The following TAF5L variants were observed in gnomAD, a reference collection of about 807,000 sequenced individuals.
The protein encoded by TAF5L is TATA-box binding protein associated factor 5 like.
Under a neutral mutation model 51.3 loss-of-function variants are expected in TAF5L, and 7 were observed. That is an observed-to-expected ratio of 0.14 (90% confidence interval 0.08 to 0.26). TAF5L has a LOEUF of 0.26. TAF5L is among the 10% of genes least tolerant of loss of function. TAF5L has a pLI of 1.00. For synonymous variants in TAF5L, 291 were observed against 308.1 expected (o/e 0.94, Z 0.58); for missense variants, 575 against 758.9 (o/e 0.76, Z 2.85).
chr1:229,600,696 C>T lies in TAF5L; in HGVS notation c.972+1499G>A, dbSNP rs1332677354. The stretch of plus-strand genomic sequence containing the variant: ...CTTTCAGTTCCTGGAATTCCGCATG[C>T]GGTTCCTCACTTCTGAGTCTTCAGA... On this transcript the variant is annotated intron_variant, in intron 4 of 4. Coordinates refer to ENST00000258281, the Ensembl canonical transcript of TAF5L. 3.5e-5 allele frequency: 34 copies of T among 985,314 alleles called. No homozygotes were observed. The South Asian group carries it at 5.2e-4, about 15-fold the overall frequency. 61.0% of individuals were successfully genotyped at this position (985,314 alleles called of 1,614,324 possible).
At chr1:229,599,189 G>C in intron 4 of TAF5L, 1 of 846,524 alleles carries the variant, frequency 1.2e-6, no homozygotes, top group Non-Finnish European at 1.4e-6. Flanking sequence ...GAAGCTACAG[G>C]ACAGTGCTGT....
intron 2 of TAF5L, chr1:229,614,068 G>C: frequency 1.6e-6 from 1 of 620,916 alleles, no homozygotes; most frequent in Non-Finnish European, 2.9e-6. Context: ...GTACTTTCAG[G>C]TACAGATAAA....
At chr1:229,607,247 GCT>G in intron 3 of TAF5L, 2 of 985,326 alleles carry the variant, frequency 2.0e-6, no homozygotes, top group Non-Finnish European at 2.4e-6. Flanking sequence ...ATGAAATAAA[GCT>G]CCTGCCTTCC....
chr1:229,597,892 T>C (rs1664185993), intron 4 of TAF5L, among the ~76,000 whole-genome samples: 1 of 152,214 alleles, frequency 6.6e-6, no homozygotes, highest in African/African-American at 2.4e-5. Flanking sequence ...CGTCTGCTCC[T>C]GGACTCTGAG....
intron 2 of TAF5L, among the ~76,000 whole-genome samples, chr1:229,610,685 G>A (rs555949051): frequency 4.6e-5 from 7 of 152,154 alleles, no homozygotes; most frequent in Admixed American, 2.6e-4. Context: ...TTTCAAGGTC[G>A]GATATCCTGA....
At chr1:229,607,771 T>C (rs567567635) in intron 3 of TAF5L, 1 of 152,400 alleles carries the variant, frequency 6.6e-6, no homozygotes, top group East Asian at 1.9e-4. Context: ...GAGTATATCT[T>C]ACACTTTATC....
At chr1:229,599,824 C>T (rs1571831761) in intron 4 of TAF5L, 3 of 985,336 alleles carry the variant, frequency 3.0e-6, no homozygotes, top group East Asian at 1.1e-4. Context: ...GTGTGAACAC[C>T]GTTTCAAATA....
At chr1:229,617,831 C>T (rs552867743) in intron 1 of TAF5L, among the ~76,000 whole-genome samples, 32 of 152,260 alleles carry the variant, frequency 2.1e-4, no homozygotes, top group African/African-American at 7.7e-4. Flanking sequence ...CTTAAATTAG[C>T]TGCCCCAAAT....
At chr1:229,621,325 G>A (rs192120478) in intron 1 of TAF5L, among the ~76,000 whole-genome samples, 1,908 of 152,242 alleles carry the variant, frequency 0.013, 19 homozygotes, top group Non-Finnish European at 0.019. Flanking sequence ...TAATGACAAA[G>A]TCTCCAAAAG....
chr1:229,624,829 A>C (rs1172421727), intron 1 of TAF5L, among the ~76,000 whole-genome samples: 2 of 152,184 alleles, frequency 1.3e-5, no homozygotes, highest in Non-Finnish European at 2.9e-5. Context: ...TTCCAAGTAG[A>C]GCTGTGACCA....
chr1:229,595,002 T>C, exon 5 of TAF5L: 1 of 1,614,180 alleles, frequency 6.2e-7, no homozygotes, highest in Non-Finnish European at 8.5e-7. Context: ...AGAGCAACCC[T>C]GAGCTGTCCG....
chr1:229,600,505 C>T lies in TAF5L; in HGVS notation c.972+1690G>A, dbSNP rs1379827461. On this transcript the variant is annotated intron_variant, in intron 4 of 4. Coordinates refer to ENST00000258281, the Ensembl canonical transcript of TAF5L. ...ACGTCACCCTTGATGCTTGCTCTCCCTTATCCCCTACAGTAATTGAATAAC... is the reference window on the plus strand; with the variant it reads ...ACGTCACCCTTGATGCTTGCTCTCCTTTATCCCCTACAGTAATTGAATAAC... 9 of 985,320 alleles carry T rather than the reference C, an allele frequency of 9.1e-6. No homozygotes were observed. The African/African-American group carries it at 1.4e-4, about 15-fold the overall frequency. 61.0% of individuals were successfully genotyped at this position (985,320 alleles called of 1,614,324 possible).
chr1:229,603,868 C>G (rs958610993), intron 3 of TAF5L, among the ~76,000 whole-genome samples: 5 of 152,236 alleles, frequency 3.3e-5, no homozygotes, highest in Non-Finnish European at 5.9e-5. Flanking sequence ...GGGGAGACAG[C>G]AGGGCCACTG....
intron 4 of TAF5L, among the ~76,000 whole-genome samples, chr1:229,598,547 G>A (rs929060653): frequency 6.6e-5 from 10 of 152,092 alleles, no homozygotes; most frequent in Non-Finnish European, 1.5e-4. Flanking sequence ...GGCGGGTGCT[G>A]GTAGTGATAA....
intron 4 of TAF5L, chr1:229,601,854 G>C: frequency 1.9e-6 from 2 of 1,054,380 alleles, no homozygotes; most frequent in Non-Finnish European, 2.3e-6. Context: ...TTGTACCTGA[G>C]CAAATGTGCA....
At chr1:229,599,835 C>T (rs530374941) in intron 4 of TAF5L, 1 of 985,416 alleles carries the variant, frequency 1.0e-6, no homozygotes, top group African/African-American at 1.7e-5. Context: ...GTTTCAAATA[C>T]TGTAGAAATA....
At chr1:229,605,143 G>A (rs1168676006) in intron 3 of TAF5L, among the ~76,000 whole-genome samples, 1 of 149,084 alleles carries the variant, frequency 6.7e-6, no homozygotes, top group African/African-American at 2.5e-5. Flanking sequence ...TTTTTTAGTA[G>A]AGATGAGGTT....
chr1:229,600,483 T>A, intron 4 of TAF5L: 3 of 985,426 alleles, frequency 3.0e-6, no homozygotes, highest in Non-Finnish European at 3.6e-6. Context: ...AACACAAACG[T>A]CACCCTTGAT....
chr1:229,619,264 G>A (rs1665119492), intron 1 of TAF5L, among the ~76,000 whole-genome samples: 1 of 152,100 alleles, frequency 6.6e-6, no homozygotes, highest in African/African-American at 2.4e-5. Context: ...AAAAATAAAT[G>A]AGCCATACTA....
Sources: gnomAD v4.1 joint callset for allele counts (sites outside exome capture counted in the v4.1 genomes callset) on GRCh38, gnomAD v4.1.1 for gene constraint, MANE v1.5 for transcripts, NCBI Gene and HGNC (gene_info 2026-07-23, HGNC 2026-07-21) for gene names.